LRPPRC: variants seen among roughly 807,000 people sequenced by gnomAD.
LRPPRC encodes the protein leucine-rich PPR motif-containing protein, mitochondrial.
LRPPRC carries 120 observed loss-of-function variants against 180.3 expected under a neutral mutation model. That is an observed-to-expected ratio of 0.67 (90% CI 0.57 to 0.77). The LOEUF is 0.77. LRPPRC is among the 30% of genes least tolerant of loss of function. The probability of loss-of-function intolerance (pLI) is 0.00; values close to 1 mark genes in which losing one functional copy is unlikely to be tolerated. For synonymous variants in LRPPRC, 723 were observed against 600.0 expected (o/e 1.21, Z -3.00); for missense variants, 2,012 against 1,657.2 (o/e 1.21, Z -3.72).
At position 43,918,073 on chromosome 2, in the gene LRPPRC, C is replaced by G. The variant is rs752006285; in HGVS notation, c.3100G>C (p.Asp1034His). ...GCAATCAATATATCTTTCTGGAAAT[C>G]AGGTTCTGTGGTTGAGGCTGACGAA... Reference protein sequence around the residue: ...NSSSASTTEPDFQKDILIACR... With the variant: ...NSSSASTTEPHFQKDILIACR... Residue 1034 changes from aspartate (D) to histidine (H), a missense_variant, in exon 29 of 38, where the codon GAT becomes CAT. Coordinates refer to ENST00000260665, the MANE Select transcript of LRPPRC (RefSeq NM_133259.4). 2 of 1,610,334 alleles carry G rather than the reference C, an allele frequency of 1.2e-6. No homozygotes were observed. Among genetic ancestry groups the G allele is most frequent in the Non-Finnish European group, 1.7e-6 (2 of 1,178,230 alleles).
chr2:43,960,702 T>C (rs1221736000), intron 12 of LRPPRC, 68 bp from the exon 13 acceptor site: 2 of 812,010 alleles, frequency 2.5e-6, no homozygotes, highest in South Asian at 2.7e-5. Flanking sequence ...CCAAAGATCC[T>C]GTTTTCCTGA....
rs1318885369 is a variant in LRPPRC at position 43,901,300 on chromosome 2, G to A, written c.3569+20C>T. The A allele has an allele frequency of 6.2e-7, 1 of 1,604,870 alleles. No individual in the cohort carries two copies. Among genetic ancestry groups the A allele is most frequent in the East Asian group, 2.2e-5 (1 of 44,846 alleles). The stretch of plus-strand genomic sequence containing the variant: ...CATTCTAGTGACCAATGAAGGAAAA[G>A]AAGGCTTGCAAATACTCACTTCTTT... On this transcript the variant is annotated intron_variant, in intron 32 of 37. Transcript: ENST00000260665.
Position 43,982,661 on chromosome 2 carries a change from TGAC to T in LRPPRC, c.150-230_150-228del, listed in dbSNP as rs1381548760. 2.6e-5 allele frequency among the ~76,000 whole-genome samples: 4 copies of T among 152,286 alleles called. No individual in the cohort carries two copies. In the East Asian group the frequency reaches 7.7e-4, roughly 29 times the overall value. ...ATGCACAGTAAATCTCCTGAATAAT[TGAC>T]AACATCTTGGTAACTTTGAACATGG... On this transcript the variant is annotated intron_variant, in intron 1 of 37. Coordinates refer to ENST00000260665, the MANE Select transcript of LRPPRC (RefSeq NM_133259.4).
chr2:43,947,463 T>G (rs561326608), intron 19 of LRPPRC, 93 bp from the exon 20 acceptor site: 1 of 717,338 alleles, frequency 1.4e-6, no homozygotes, highest in Non-Finnish European at 2.5e-6. Flanking sequence ...CTTTCCTTTC[T>G]ACCTTCCTAA....
At chr2:43,927,901 T>C (rs1024458279) in intron 25 of LRPPRC, among the ~76,000 whole-genome samples, 4 of 152,218 alleles carry the variant, frequency 2.6e-5, no homozygotes, top group Non-Finnish European at 5.9e-5. Context: ...AATGTCAAGA[T>C]TTCTGGCTTA....
intron 11 of LRPPRC, among the ~76,000 whole-genome samples, chr2:43,965,097 G>T (rs1352353270): frequency 6.6e-6 from 1 of 152,188 alleles, no homozygotes; most frequent in Non-Finnish European, 1.5e-5. Flanking sequence ...CACCTCCCGG[G>T]TTCAAGCAAT....
At chr2:43,961,522 T>TA (rs1360562435) in intron 12 of LRPPRC, among the ~76,000 whole-genome samples, 2 of 152,220 alleles carry the variant, frequency 1.3e-5, no homozygotes, top group Non-Finnish European at 2.9e-5. Flanking sequence ...ACATACATGC[T>TA]AAGCAATGAC....
intron 32 of LRPPRC, among the ~76,000 whole-genome samples, 183 bp downstream of exon 32, chr2:43,901,137 T>A (rs1336518044): frequency 6.6e-6 from 1 of 152,176 alleles, no homozygotes; most frequent in Non-Finnish European, 1.5e-5. Context: ...TATTCTAAGA[T>A]TTAAGGTAAA....
Position 43,895,202 on chromosome 2 carries a change from G to A in LRPPRC, c.3901-573C>T, listed in dbSNP as rs186915147. Among the ~76,000 whole-genome samples the A allele has an allele frequency of 4.9e-4, 75 of 152,216 alleles. No individual in the cohort carries two copies. The East Asian group carries it at 0.014, about 28-fold the overall frequency. On this transcript the variant is annotated intron_variant, in intron 35 of 37. Transcript: ENST00000260665. ...TTTCCCGCCCTACTCCAACGTTACT[G>A]GATAAACCCATGATGGATATATAAA...
Position 43,963,617 on chromosome 2 carries a change from T to C in LRPPRC, c.1459A>G (p.Ser487Gly), listed in dbSNP as rs757547123. ...YTDYVIPCFD[S>G]VNSARAILQE... The stretch of plus-strand genomic sequence containing the variant: ...AAAATGGCTCGTGCTGAGTTTACAC[T>C]ATCAAAGCATGGAATCACATAATCT... The change falls in exon 12 of 38, where the codon AGT becomes GGT. Residue 487 changes from serine to glycine, a missense_variant. Coordinates refer to ENST00000260665, the MANE Select transcript of LRPPRC (RefSeq NM_133259.4). The C allele has an allele frequency of 6.2e-7, 1 of 1,610,044 alleles. No homozygotes were observed. Among genetic ancestry groups the C allele is most frequent in the African/African-American group, 1.3e-5 (1 of 74,966 alleles).
At chr2:43,960,731 T>G in intron 12 of LRPPRC, 97 bp from the exon 13 acceptor site, 1 of 755,844 alleles carries the variant, frequency 1.3e-6, no homozygotes, top group Admixed American at 1.8e-5. Context: ...ATCACCATAT[T>G]CTCTGATTTT....
intron 11 of LRPPRC, among the ~76,000 whole-genome samples, chr2:43,967,790 C>G (rs1391421002): frequency 6.6e-6 from 1 of 152,192 alleles, no homozygotes; most frequent in African/African-American, 2.4e-5. Flanking sequence ...ACACTGCACA[C>G]AGAAGCCTAA....
rs1572952344 is a variant in LRPPRC at position 43,945,508 on chromosome 2, A to G, written c.2211-91T>C. The G allele has an allele frequency of 3.8e-6, 3 of 791,386 alleles. No individual in the cohort carries two copies. The East Asian group carries it at 7.6e-5, about 20-fold the overall frequency. 49.0% of individuals were successfully genotyped at this position (791,386 alleles called of 1,614,324 possible). ...CCATTTAATCACTTTTCAAAAGCTC[A>G]TCAGAAGACCTGAACTAATGTTGGC... On this transcript the variant is annotated intron_variant, in intron 21 of 37. Coordinates refer to ENST00000260665, the MANE Select transcript of LRPPRC (RefSeq NM_133259.4).
Position 43,973,587 on chromosome 2 carries a change from G to A in LRPPRC, c.1369+20C>T, listed in dbSNP as rs371260395. Reference sequence around the variant, plus strand: ...CTGGCTCTGGGAACCATTACAAATCGGTAAAAGGCAAAATCTAACCTTGAA... The same window carrying A: ...CTGGCTCTGGGAACCATTACAAATCAGTAAAAGGCAAAATCTAACCTTGAA... On this transcript the variant is annotated intron_variant, in intron 11 of 37. Transcript: ENST00000260665. 1.6e-5 allele frequency: 24 copies of A among 1,531,296 alleles called. No homozygotes were observed. The highest frequency in any genetic ancestry group is 5.5e-5 in the African/African-American group (4 of 73,292). 94.9% of individuals were successfully genotyped at this position (1,531,296 alleles called of 1,614,324 possible).
chr2:43,976,911 G>A, intron 5 of LRPPRC, 83 bp downstream of exon 5: 2 of 1,111,204 alleles, frequency 1.8e-6, no homozygotes, highest in East Asian at 2.4e-5. Context: ...TTAGGAAGAA[G>A]CTTTAAAACA....
At chr2:43,935,641 C>A (rs1236817912) in intron 23 of LRPPRC, among the ~76,000 whole-genome samples, 6 of 148,006 alleles carry the variant, frequency 4.1e-5, no homozygotes, top group African/African-American at 1.5e-4. Context: ...GTACTATATT[C>A]TTGTGGGTCC....
intron 13 of LRPPRC, among the ~76,000 whole-genome samples, chr2:43,960,268 T>C (rs1673290001): frequency 6.6e-6 from 1 of 152,184 alleles, no homozygotes; most frequent in Admixed American, 6.5e-5. Context: ...AATCACATAA[T>C]CGGTGGCCAA....
At position 43,932,910 on chromosome 2, in the gene LRPPRC, T is replaced by C. The variant is rs541350455; in HGVS notation, c.2736+1280A>G. ...CAAAGACAGGCACATGCATTCCTCCTGCAGAACCTCTCAGAGCTGAGCTTC... is the reference window on the plus strand; with the variant it reads ...CAAAGACAGGCACATGCATTCCTCCCGCAGAACCTCTCAGAGCTGAGCTTC... On this transcript the variant is annotated intron_variant, in intron 25 of 37. Coordinates refer to ENST00000260665, the MANE Select transcript of LRPPRC (RefSeq NM_133259.4). Among the ~76,000 whole-genome samples, 9 of 152,326 alleles carry C rather than the reference T, an allele frequency of 5.9e-5. No homozygotes were observed. In the South Asian group the frequency reaches 1.0e-3, roughly 18 times the overall value.
At chr2:43,951,474 G>A (rs904507493) in intron 14 of LRPPRC, among the ~76,000 whole-genome samples, 7 of 152,126 alleles carry the variant, frequency 4.6e-5, no homozygotes, top group Admixed American at 2.0e-4. Context: ...GCTGTATCCC[G>A]GACCCATCTG....
Sources: allele counts gnomAD v4.1 joint callset (sites outside exome capture counted in the v4.1 genomes callset), GRCh38; gene constraint gnomAD v4.1.1; transcripts MANE v1.5; gene names NCBI Gene and HGNC (gene_info 2026-07-23, HGNC 2026-07-21).